Variants in MYO1D observed in about 807,000 individuals in gnomAD.
The protein encoded by MYO1D is myosin ID, also known as unconventional myosin-Id.
Under a neutral mutation model 122.0 loss-of-function variants are expected in MYO1D, and 83 were observed. The observed-to-expected ratio is 0.68, with a 90% CI of 0.57 to 0.82. The LOEUF is 0.82. MYO1D is among the 40% of genes least tolerant of loss of function. The pLI is 0.00. For synonymous variants in MYO1D, 464 were observed against 446.9 expected (o/e 1.04, Z -0.48); for missense variants, 1,157 against 1,269.5 (o/e 0.91, Z 1.35).
intron 21 of MYO1D, among the ~76,000 whole-genome samples, chr17:32,538,749 T>C (rs1910741073): frequency 6.6e-6 from 1 of 152,162 alleles, no homozygotes; most frequent in Non-Finnish European, 1.5e-5. Context: ...ATATACACCA[T>C]GGAATACTAT....
intron 21 of MYO1D, among the ~76,000 whole-genome samples, chr17:32,604,523 G>GCT (rs2087602993): frequency 6.6e-6 from 1 of 152,158 alleles, no homozygotes; most frequent in Non-Finnish European, 1.5e-5. Flanking sequence ...CTCAGGACCT[G>GCT]CTCTCTGTTT....
intron 19 of MYO1D, among the ~76,000 whole-genome samples, chr17:32,645,481 A>G (rs180938235): frequency 2.0e-5 from 3 of 152,226 alleles, no homozygotes; most frequent in Admixed American, 6.5e-5. Context: ...TCTCCTGGAT[A>G]ATATCCTGCA....
intron 14 of MYO1D, 151 bp from the exon 15 acceptor site, chr17:32,721,340 C>T (rs571871473): frequency 1.7e-5 from 13 of 747,390 alleles, no homozygotes; most frequent in East Asian, 8.2e-5. Flanking sequence ...GTTATTCTTC[C>T]TTTCTCCTTC....
intron 1 of MYO1D, among the ~76,000 whole-genome samples, chr17:32,790,120 C>T (rs1218526195): frequency 2.0e-5 from 3 of 152,136 alleles, no homozygotes; most frequent in Non-Finnish European, 4.4e-5. Context: ...AATATGCAAC[C>T]TCAGGTATCT....
chr17:32,594,013 C>T (rs967798913), intron 21 of MYO1D, among the ~76,000 whole-genome samples: 4 of 152,206 alleles, frequency 2.6e-5, no homozygotes, highest in Non-Finnish European at 5.9e-5. Flanking sequence ...CATAAAGGGG[C>T]ATATGGACTC....
At chr17:32,700,804 T>A (rs2089237969) in intron 16 of MYO1D, among the ~76,000 whole-genome samples, 1 of 151,146 alleles carries the variant, frequency 6.6e-6, no homozygotes, top group Admixed American at 6.6e-5. Flanking sequence ...ATTAGCCAGG[T>A]ATGGTGGTGT....
At chr17:32,833,402 C>T (rs1292789984) in intron 1 of MYO1D, among the ~76,000 whole-genome samples, 2 of 152,154 alleles carry the variant, frequency 1.3e-5, no homozygotes, top group African/African-American at 4.8e-5. Context: ...ACCTCTGCTG[C>T]GATCACCCAG....
chr17:32,794,041 G>A (rs746140997), intron 1 of MYO1D, among the ~76,000 whole-genome samples: 1 of 152,192 alleles, frequency 6.6e-6, no homozygotes, highest in Non-Finnish European at 1.5e-5. Context: ...CGGCATCAGT[G>A]CTATGTTTCT....
At chr17:32,546,807 A>G (rs2086968429) in intron 21 of MYO1D, among the ~76,000 whole-genome samples, 1 of 152,208 alleles carries the variant, frequency 6.6e-6, no homozygotes, top group Non-Finnish European at 1.5e-5. Context: ...ATGCAAATTC[A>G]GAGGTGCACC....
intron 16 of MYO1D, among the ~76,000 whole-genome samples, chr17:32,699,184 C>T (rs1476943536): frequency 2.0e-5 from 3 of 151,902 alleles, no homozygotes; most frequent in East Asian, 1.9e-4. Context: ...AGGCTGGTCT[C>T]GAACTCCCGA....
At chr17:32,502,689 A>C (rs931397979) in intron 21 of MYO1D, among the ~76,000 whole-genome samples, 2 of 152,234 alleles carry the variant, frequency 1.3e-5, no homozygotes, top group Non-Finnish European at 2.9e-5. Flanking sequence ...TCTTGTGCTG[A>C]TCCTGGAGAC....
Position 32,712,140 on chromosome 17 carries a change from C to G in MYO1D, c.1969G>C (p.Glu657Gln). The change falls in exon 16 of 22, where the codon GAG (glutamate) becomes CAG (glutamine). Residue 657 changes from glutamate to glutamine, a missense_variant. Glu to Gln is a conservative substitution (Grantham distance 29). Coordinates refer to ENST00000318217, the MANE Select transcript of MYO1D (RefSeq NM_015194.3). ...WPNHDLPSDK[E>Q]AVKKLIERCG... is the part of the protein sequence containing the mutation. ...CGTTCAATTAGTTTCTTGACAGCCT[C>G]TTTGTCTGAAGGAAGGTCATGGTTG... 6.2e-7 allele frequency: 1 copy of G among 1,614,050 alleles called. No homozygotes were observed. Among genetic ancestry groups the G allele is most frequent in the Non-Finnish European group, 8.5e-7 (1 of 1,179,990 alleles).
chr17:32,695,148 C>T (rs891467494), intron 16 of MYO1D, among the ~76,000 whole-genome samples: 9 of 150,412 alleles, frequency 6.0e-5, no homozygotes, highest in East Asian at 5.9e-4. Context: ...TTCCATGCAC[C>T]GGCATGGTGG....
intron 20 of MYO1D, among the ~76,000 whole-genome samples, chr17:32,617,959 C>T (rs1567912217): frequency 6.6e-6 from 1 of 152,052 alleles, no homozygotes; most frequent in African/African-American, 2.4e-5. Context: ...CTTCATGAAA[C>T]AGAATAAAAT....
intron 1 of MYO1D, among the ~76,000 whole-genome samples, chr17:32,783,191 T>A (rs898211418): frequency 6.6e-6 from 1 of 151,720 alleles, no homozygotes; most frequent in African/African-American, 2.4e-5. Context: ...AGCAGAAGAA[T>A]GTCTCATGAG....
intron 13 of MYO1D, among the ~76,000 whole-genome samples, chr17:32,739,369 C>T (rs2089747005): frequency 6.6e-6 from 1 of 151,900 alleles, no homozygotes; most frequent in African/African-American, 2.4e-5. Flanking sequence ...TGGAAACCAT[C>T]ATTCTTAGCA....
intron 19 of MYO1D, among the ~76,000 whole-genome samples, chr17:32,653,049 G>A (rs1166613868): frequency 3.9e-5 from 6 of 152,088 alleles, no homozygotes; most frequent in African/African-American, 1.2e-4. Context: ...GGCTAAGGCA[G>A]GAGAATGGCA....
Position 32,634,179 on chromosome 17 carries a change from T to C in MYO1D, c.2709+4543A>G, listed in dbSNP as rs1210840731. 2.0e-5 allele frequency among the ~76,000 whole-genome samples: 3 copies of C among 152,346 alleles called. No individual in the cohort carries two copies. The South Asian group carries it at 6.2e-4, about 32-fold the overall frequency. On this transcript the variant is annotated intron_variant, in intron 20 of 21. Coordinates refer to ENST00000318217, the MANE Select transcript of MYO1D (RefSeq NM_015194.3). Reference sequence around the variant, plus strand: ...AGGTAATTTCTAGACTGTCATTCTCTCTGACCCAGATGCAATTTAAAATCG... The same window carrying C: ...AGGTAATTTCTAGACTGTCATTCTCCCTGACCCAGATGCAATTTAAAATCG...
chr17:32,651,308 T>TA (rs2088384209), intron 19 of MYO1D, among the ~76,000 whole-genome samples: 1 of 152,206 alleles, frequency 6.6e-6, no homozygotes, highest in Non-Finnish European at 1.5e-5. Context: ...CATATGCACA[T>TA]ATGTATGTGC....
Sources: allele counts gnomAD v4.1 joint callset (sites outside exome capture counted in the v4.1 genomes callset), GRCh38; gene constraint gnomAD v4.1.1; transcripts MANE v1.5; gene names NCBI Gene and HGNC (gene_info 2026-07-23, HGNC 2026-07-21).